Variants in CNTNAP5 observed in about 807,000 individuals in gnomAD.
The protein encoded by CNTNAP5 is contactin-associated protein-like 5.
CNTNAP5 carries 72 observed loss-of-function variants against 150.2 expected under a neutral mutation model. The observed-to-expected ratio is 0.48, with a 90% CI of 0.40 to 0.58. The LOEUF (loss-of-function observed/expected upper bound fraction) is 0.58, where lower values mean the gene tolerates loss of function less well. Among genes scored for constraint, CNTNAP5 ranks in the 20% least tolerant of loss-of-function variants. The pLI, the probability that CNTNAP5 is intolerant of heterozygous loss-of-function variation, is 0.00. For missense variants in CNTNAP5, 1,636 were observed against 1,626.2 expected (o/e 1.01, Z -0.10); for synonymous variants, 672 against 619.8 (o/e 1.08, Z -1.25).
At chr2:124,611,606 T>G (rs750225640) in intron 12 of CNTNAP5, among the ~76,000 whole-genome samples, 1 of 152,210 alleles carries the variant, frequency 6.6e-6, no homozygotes, top group South Asian at 2.1e-4. Context: ...AATTAACATA[T>G]GGACTCTTGC....
intron 1 of CNTNAP5, among the ~76,000 whole-genome samples, chr2:124,157,567 A>G (rs1191430967): frequency 6.6e-6 from 1 of 152,200 alleles, no homozygotes; most frequent in Non-Finnish European, 1.5e-5. Context: ...AAATTTGAAT[A>G]TAATAATTCT....
intron 10 of CNTNAP5, among the ~76,000 whole-genome samples, chr2:124,553,414 A>G (rs1246405696): frequency 1.3e-5 from 2 of 151,864 alleles, no homozygotes; most frequent in African/African-American, 2.4e-5. Context: ...TGAGGCAGGA[A>G]AATCGCTTGA....
intron 21 of CNTNAP5, among the ~76,000 whole-genome samples, chr2:124,887,427 A>G (rs1205700461): frequency 6.6e-6 from 1 of 152,110 alleles, no homozygotes; most frequent in East Asian, 1.9e-4. Flanking sequence ...GTGACCAGTC[A>G]TGCTAGTCTA....
intron 2 of CNTNAP5, among the ~76,000 whole-genome samples, chr2:124,233,990 G>A (rs1686686402): frequency 6.6e-6 from 1 of 152,002 alleles, no homozygotes; most frequent in Non-Finnish European, 1.5e-5. Flanking sequence ...GCTCAACTGT[G>A]CATAAAGTAT....
intron 11 of CNTNAP5, among the ~76,000 whole-genome samples, chr2:124,601,758 C>T (rs551915684): frequency 6.6e-5 from 10 of 152,122 alleles, no homozygotes; most frequent in African/African-American, 2.4e-4. Flanking sequence ...GGAAACAACC[C>T]AAATGTTCTT....
intron 13 of CNTNAP5, among the ~76,000 whole-genome samples, chr2:124,665,607 C>T (rs994222262): frequency 6.6e-6 from 1 of 152,170 alleles, no homozygotes; most frequent in Non-Finnish European, 1.5e-5. Context: ...AAAATATTGG[C>T]CAGGCGTGGT....
chr2:124,812,754 G>T (rs530996767), intron 19 of CNTNAP5, among the ~76,000 whole-genome samples: 1 of 152,014 alleles, frequency 6.6e-6, no homozygotes, highest in East Asian at 1.9e-4. Flanking sequence ...CCAAACCAAT[G>T]GTTATCTTAA....
intron 13 of CNTNAP5, among the ~76,000 whole-genome samples, chr2:124,717,461 T>A (rs954215975): frequency 6.6e-6 from 1 of 152,210 alleles, no homozygotes; most frequent in African/African-American, 2.4e-5. Context: ...TTAAATAGAT[T>A]GAAACACAGA....
chr2:124,874,276 AAGAG>A (rs905741283), intron 21 of CNTNAP5, among the ~76,000 whole-genome samples: 4 of 152,166 alleles, frequency 2.6e-5, no homozygotes, highest in East Asian at 1.9e-4. Flanking sequence ...ATAACATTAA[AAGAG>A]AGAGAGAGCA....
intron 4 of CNTNAP5, among the ~76,000 whole-genome samples, chr2:124,418,009 T>C (rs1263822892): frequency 6.6e-6 from 1 of 152,214 alleles, no homozygotes; most frequent in Non-Finnish European, 1.5e-5. Flanking sequence ...AACAACTAAA[T>C]GTAATTCACA....
intron 3 of CNTNAP5, among the ~76,000 whole-genome samples, chr2:124,312,507 G>A (rs1317963636): frequency 6.6e-6 from 1 of 151,580 alleles, no homozygotes; most frequent in African/African-American, 2.4e-5. Flanking sequence ...TGGGATTACA[G>A]GTGCATGCCA....
intron 3 of CNTNAP5, among the ~76,000 whole-genome samples, chr2:124,302,618 G>A (rs1020213845): frequency 3.9e-5 from 6 of 152,180 alleles, no homozygotes; most frequent in Non-Finnish European, 8.8e-5. Flanking sequence ...ATCCCTTCAT[G>A]AGGGCACAGC....
At chr2:124,895,577 A>T (rs1678286848) in intron 21 of CNTNAP5, among the ~76,000 whole-genome samples, 1 of 151,536 alleles carries the variant, frequency 6.6e-6, no homozygotes, top group Non-Finnish European at 1.5e-5. Context: ...GTGAACCATG[A>T]TCTTACCATT....
intron 3 of CNTNAP5, among the ~76,000 whole-genome samples, chr2:124,262,856 G>A (rs1479592135): frequency 1.5e-5 from 2 of 135,344 alleles, no homozygotes; most frequent in African/African-American, 5.7e-5. Context: ...GGGTCCAAGT[G>A]TTCTCATTGT....
chr2:124,473,142 G>T (rs1302295744), intron 6 of CNTNAP5, among the ~76,000 whole-genome samples: 1 of 151,896 alleles, frequency 6.6e-6, no homozygotes, highest in Non-Finnish European at 1.5e-5. Flanking sequence ...TTGAAATCAT[G>T]AAATTCATAG....
chr2:124,559,194 G>A (rs2104926364), intron 10 of CNTNAP5, among the ~76,000 whole-genome samples: 1 of 152,198 alleles, frequency 6.6e-6, no homozygotes, highest in Non-Finnish European at 1.5e-5. Context: ...GCCCCACCTA[G>A]CAATGATCCT....
At chr2:124,907,470 C>G (rs190962123) in intron 22 of CNTNAP5, among the ~76,000 whole-genome samples, 30 of 148,570 alleles carry the variant, frequency 2.0e-4, no homozygotes, top group Admixed American at 1.1e-3. Context: ...ACAATAAATT[C>G]TATTCTATAA....
At chr2:124,233,699 C>T (rs555591237) in intron 2 of CNTNAP5, among the ~76,000 whole-genome samples, 1 of 151,824 alleles carries the variant, frequency 6.6e-6, no homozygotes, top group Non-Finnish European at 1.5e-5. Flanking sequence ...CTCTTTCTCT[C>T]CTTTCTCTCT....
At chr2:124,558,188 A>C (rs990229904) in intron 10 of CNTNAP5, among the ~76,000 whole-genome samples, 3 of 152,154 alleles carry the variant, frequency 2.0e-5, no homozygotes, top group Admixed American at 6.5e-5. Flanking sequence ...CTGGTGAGTG[A>C]TGCTTGCATC....
Sources: allele counts gnomAD v4.1 joint callset (sites outside exome capture counted in the v4.1 genomes callset), GRCh38; gene constraint gnomAD v4.1.1; transcripts MANE v1.5; gene names NCBI Gene and HGNC (gene_info 2026-07-23, HGNC 2026-07-21).